The following CRADD variants were observed in gnomAD, a reference collection of about 807,000 sequenced individuals.
The protein encoded by CRADD is death domain-containing protein CRADD.
A neutral mutation model predicts 15.5 loss-of-function variants in CRADD; 9 were observed. The observed-to-expected ratio is 0.58, with a 90% CI of 0.35 to 1.01. The LOEUF (loss-of-function observed/expected upper bound fraction) is 1.01. Among genes scored for constraint, CRADD ranks in the 50% least tolerant of loss-of-function variants. CRADD has a pLI of 0.02. For missense variants in CRADD, 227 were observed against 250.3 expected, an observed-to-expected ratio of 0.91 and a Z score of 0.63; for synonymous variants, 118 against 107.6, an observed-to-expected ratio of 1.10 and a Z score of -0.60.
intron 2 of CRADD, among the ~76,000 whole-genome samples, chr12:93,756,157 G>C (rs184880556): frequency 6.6e-6 from 1 of 152,166 alleles, no homozygotes; most frequent in Admixed American, 6.5e-5. Context: ...ATTTATTTAT[G>C]TTCATTACTT....
chr12:93,792,015 A>G (rs1957355312), intron 2 of CRADD, among the ~76,000 whole-genome samples: 1 of 151,820 alleles, frequency 6.6e-6, no homozygotes, highest in Non-Finnish European at 1.5e-5. Context: ...TCCAATAACT[A>G]GAGATTCTGA....
At chr12:93,731,602 T>C (rs1956465990) in intron 2 of CRADD, among the ~76,000 whole-genome samples, 1 of 152,232 alleles carries the variant, frequency 6.6e-6, no homozygotes, top group Non-Finnish European at 1.5e-5. Flanking sequence ...AAGTCCTCTT[T>C]GCCCAATCAG....
intron 2 of CRADD, among the ~76,000 whole-genome samples, chr12:93,795,486 A>T (rs142607262): frequency 9.1e-4 from 139 of 152,292 alleles, no homozygotes; most frequent in Non-Finnish European, 1.7e-3. Context: ...TCAGAAAGGA[A>T]TATTTCATGG....
At chr12:93,709,181 C>CT (rs564668904) in intron 2 of CRADD, 5 of 152,226 alleles carry the variant, frequency 3.3e-5, no homozygotes, top group African/African-American at 4.8e-5. Context: ...TTTTACAACT[C>CT]TGAGTCCTGC....
intron 2 of CRADD, among the ~76,000 whole-genome samples, chr12:93,871,997 A>G (rs887708258): frequency 3.3e-5 from 5 of 152,186 alleles, no homozygotes; most frequent in African/African-American, 4.8e-5. Context: ...ACTATTCTCC[A>G]TAGTGGTTGT....
intron 2 of CRADD, among the ~76,000 whole-genome samples, chr12:93,718,122 C>G (rs1956195023): frequency 1.3e-5 from 2 of 152,176 alleles, no homozygotes; most frequent in South Asian, 4.1e-4. Context: ...AGTCCTTAAA[C>G]TTTGTCCTTT....
chr12:93,886,929 C>T (rs966927560), intron 2 of CRADD, among the ~76,000 whole-genome samples: 3 of 152,214 alleles, frequency 2.0e-5, no homozygotes, highest in Admixed American at 1.3e-4. Flanking sequence ...CTGCCTACCA[C>T]GCGCAAGACA....
chr12:93,883,359 T>C lies in CRADD; in HGVS notation c.299-10691T>C, dbSNP rs550094152. ...AAATTCAAACCCTACACTTTTGACA[T>C]TTAAAATATGAAGTATTACTATAAG... On this transcript the variant is annotated intron_variant, in intron 2 of 2. Transcript: ENST00000548483. Among the ~76,000 whole-genome samples, 18 of 152,360 alleles carry C rather than the reference T, an allele frequency of 1.2e-4. No homozygotes were observed. The East Asian group carries it at 3.3e-3, about 28-fold the overall frequency.
intron 2 of CRADD, among the ~76,000 whole-genome samples, chr12:93,722,297 T>G (rs1457504910): frequency 6.6e-6 from 1 of 152,188 alleles, no homozygotes; most frequent in Non-Finnish European, 1.5e-5. Context: ...TTTTTGTAGT[T>G]TGAAACGATA....
intron 1 of CRADD, chr12:93,677,719 G>A (rs1955192505): frequency 1.3e-5 from 2 of 152,282 alleles, no homozygotes; most frequent in African/African-American, 4.8e-5. Flanking sequence ...TTTGATACAA[G>A]GGTTTCAGCG....
chr12:93,867,403 A>ATATATATTTTTTT lies in CRADD; in HGVS notation c.299-26646_299-26645insATATATTTTTTTT, dbSNP rs985334638. ...TTGTATTTGACATATATATATATAT[A>ATATATATTTTTTT]TTTTTTAAACTTGGAAGTCCAAGAT... On this transcript the variant is annotated intron_variant, in intron 2 of 2. Transcript: ENST00000548483. 1.8e-4 allele frequency among the ~76,000 whole-genome samples: 26 copies of ATATATATTTTTTT among 143,422 alleles called. 2 individuals carry two copies. In the East Asian group the frequency reaches 3.5e-3, roughly 20 times the overall value. The allele number at this position is 143,422 out of a possible 152,430, so 94.1% of individuals were successfully genotyped here.
chr12:93,751,943 TTTA>T (rs1956833073), intron 2 of CRADD, among the ~76,000 whole-genome samples: 1 of 152,374 alleles, frequency 6.6e-6, no homozygotes, highest in Admixed American at 6.5e-5. Flanking sequence ...TTTCCAGAGC[TTTA>T]TTCTCAACTG....
intron 2 of CRADD, among the ~76,000 whole-genome samples, chr12:93,812,744 T>C (rs1957643803): frequency 6.6e-6 from 1 of 152,230 alleles, no homozygotes; most frequent in Non-Finnish European, 1.5e-5. Flanking sequence ...AGTAATAGTT[T>C]GTTGCCAAAT....
intron 2 of CRADD, among the ~76,000 whole-genome samples, chr12:93,726,107 T>C (rs182000132): frequency 2.0e-5 from 3 of 148,768 alleles, no homozygotes; most frequent in Non-Finnish European, 4.5e-5. Context: ...TTTTTTTTTT[T>C]TTTTTTTTTT....
At chr12:93,680,244 G>T (rs1017195081) in intron 2 of CRADD, among the ~76,000 whole-genome samples, 3 of 151,672 alleles carry the variant, frequency 2.0e-5, no homozygotes, top group African/African-American at 7.3e-5. Context: ...TTTTAACAAA[G>T]TTAGAGAATC....
chr12:93,736,702 C>T (rs1038080426), intron 2 of CRADD, among the ~76,000 whole-genome samples: 6 of 152,134 alleles, frequency 3.9e-5, no homozygotes, highest in African/African-American at 1.4e-4. Context: ...ATATAGAGGC[C>T]AGATTAGTGT....
At chr12:93,845,911 A>G (rs1305594065) in intron 2 of CRADD, among the ~76,000 whole-genome samples, 1 of 152,192 alleles carries the variant, frequency 6.6e-6, no homozygotes, top group Non-Finnish European at 1.5e-5. Context: ...TCAAAACTGG[A>G]ACTCTGTACC....
chr12:93,690,191 T>G (rs2136811898), intron 2 of CRADD, among the ~76,000 whole-genome samples: 1 of 152,326 alleles, frequency 6.6e-6, no homozygotes. Flanking sequence ...TTGGCCAAAC[T>G]TGGGTCCTGA....
intron 2 of CRADD, among the ~76,000 whole-genome samples, chr12:93,874,426 T>A (rs993258628): frequency 5.9e-5 from 9 of 152,032 alleles, no homozygotes; most frequent in African/African-American, 1.9e-4. Flanking sequence ...TTATTTCAGT[T>A]TCATTTATTT....
Sources: allele counts gnomAD v4.1 joint callset (sites outside exome capture counted in the v4.1 genomes callset), GRCh38; gene constraint gnomAD v4.1.1; transcripts MANE v1.5; gene names NCBI Gene and HGNC (gene_info 2026-07-23, HGNC 2026-07-21).